Variants in TRIM34 observed in about 807,000 individuals in gnomAD.
TRIM34 encodes the protein E3 ubiquitin-protein ligase TRIM34.
In TRIM34, 41 loss-of-function variants were observed where a neutral mutation model predicts 38.1. That is an observed-to-expected ratio of 1.08 (90% CI 0.84 to 1.40). The LOEUF (loss-of-function observed/expected upper bound fraction) is 1.40. Among genes scored for constraint, TRIM34 ranks in the 40% most tolerant of loss-of-function variants. The probability of loss-of-function intolerance (pLI) is 0.00; values close to 1 mark genes in which losing one functional copy is unlikely to be tolerated. For missense variants in TRIM34, 556 were observed against 571.4 expected, an observed-to-expected ratio of 0.97 and a Z score of 0.27; for synonymous variants, 200 against 202.5, an observed-to-expected ratio of 0.99 and a Z score of 0.10.
At chr11:5,636,052 T>G (rs1438025435) in intron 4 of TRIM34, among the ~76,000 whole-genome samples, 1 of 152,216 alleles carries the variant, frequency 6.6e-6, no homozygotes, top group Non-Finnish European at 1.5e-5. Context: ...CTAGAAGAAC[T>G]GAATACATAT....
intron 1 of TRIM34, among the ~76,000 whole-genome samples, chr11:5,629,695 G>A (rs1221378262): frequency 5.3e-5 from 8 of 152,226 alleles, no homozygotes; most frequent in Middle Eastern, 3.4e-3. Flanking sequence ...TGAGCTCTCC[G>A]TGAGGATTCT....
At chr11:5,620,167 C>CTTTTTTTTTTTTTTTTTTTTTTTTT (rs60013395), upstream of TRIM34, 13 of 72,772 alleles carry the variant, frequency 1.8e-4, 1 homozygote, top group Non-Finnish European at 2.3e-4. Context: ...TTTCTTTCTT[C>CTTTTTTTTTTTTTTTTTTTTTTTTT]TTTTTTTTTT....
At chr11:5,632,139 C>A in intron 1 of TRIM34, 116 bp from the exon 2 acceptor site, 1 of 1,441,106 alleles carries the variant, frequency 6.9e-7, no homozygotes, top group Non-Finnish European at 9.2e-7. Context: ...TTTGGTTTCT[C>A]TTCCTCATCT....
rs1484366380 is a variant in TRIM34, at chr11:5,634,751, G to T, written c.640G>T (p.Asp214Tyr). The change falls in exon 4 of 8, where the codon GAT (aspartate) becomes TAT (tyrosine). Residue 214 changes from aspartate (D) to tyrosine (Y), a missense_variant. Physicochemically the swap from Asp to Tyr is radical, Grantham distance 160 (BLOSUM62 -3). Coordinates refer to ENST00000429814, the MANE Select transcript of TRIM34 (RefSeq NM_021616.6). ...GGAAGAAGAAGAAAAGAAGACGCTG[G>T]ATAAGTTTGCAGAGGCTGAGGATGA... is the stretch of plus-strand genomic sequence containing the variant. ...RLEEEEKKTL[D>Y]KFAEAEDELV... The T allele has an allele frequency of 6.2e-7, 1 of 1,614,122 alleles. No homozygotes were observed. Among genetic ancestry groups the T allele is most frequent in the Non-Finnish European group, 8.5e-7 (1 of 1,179,998 alleles).
Position 5,628,199 on chromosome 11 carries a change from C to G in TRIM34, c.-78+3139C>G, listed in dbSNP as rs570641920. 1.2e-3 allele frequency among the ~76,000 whole-genome samples: 176 copies of G among 152,342 alleles called. 3 individuals carry two copies. In the South Asian group the frequency reaches 0.035, roughly 30 times the overall value. On this transcript the variant is annotated intron_variant, in intron 1 of 7. Coordinates refer to ENST00000429814, the MANE Select transcript of TRIM34 (RefSeq NM_021616.6). ...CATCAACATGCATCCTCACTGTGAACATGAAGTCACAGCCCGTGGCAGAAT... is the reference window on the plus strand; with the variant it reads ...CATCAACATGCATCCTCACTGTGAAGATGAAGTCACAGCCCGTGGCAGAAT...
chr11:5,621,121 C>T (rs1030347912), upstream of TRIM34, among the ~76,000 whole-genome samples: 3 of 152,198 alleles, frequency 2.0e-5, no homozygotes, highest in Admixed American at 2.0e-4. Flanking sequence ...TCACTTCTAT[C>T]CATTTTCCTT....
At chr11:5,636,901 C>G (rs910114899) in intron 4 of TRIM34, among the ~76,000 whole-genome samples, 2 of 152,306 alleles carry the variant, frequency 1.3e-5, no homozygotes, top group Admixed American at 6.5e-5. Flanking sequence ...AATCCCAGCA[C>G]TTTGGGAGGC....
Position 5,634,528 on chromosome 11 carries a change from C to CATATATATATATATATATAT in TRIM34, c.520-102_520-101insTATATATATATATATATATA, listed in dbSNP as rs1206053252. 1.9e-5 allele frequency: 10 copies of CATATATATATATATATATAT among 530,382 alleles called. No individual in the cohort carries two copies. In the African/African-American group the frequency reaches 2.4e-4, roughly 13 times the overall value. 32.9% of individuals were successfully genotyped at this position (530,382 alleles called of 1,614,324 possible). A position where few individuals can be genotyped will look rare whatever the true frequency, so the allele number is the denominator to read the frequency against. On this transcript the variant is annotated intron_variant, in intron 3 of 7. Coordinates refer to ENST00000429814, the MANE Select transcript of TRIM34 (RefSeq NM_021616.6). Reference sequence around the variant, plus strand: ...ACACACACACACACACACACACACACACATATATATATATATATATTTCCC... The same window carrying CATATATATATATATATATAT: ...ACACACACACACACACACACACACACATATATATATATATATATATACATATATATATATATATATTTCCC...
Position 5,632,475 on chromosome 11 carries a change from C to T in TRIM34, c.144C>T (p.Thr48=), listed in dbSNP as rs953609081. The change falls in exon 2 of 8, where the codon ACC becomes ACT. Residue 48 remains threonine (T), a synonymous_variant. Coordinates refer to ENST00000429814, the MANE Select transcript of TRIM34 (RefSeq NM_021616.6). Reference sequence around the variant, plus strand: ...CTGTGAGCAACAAGGAGGCAGTGACCAGCATGGGAGGAAAAAGCAGCTGTC... The same window carrying T: ...CTGTGAGCAACAAGGAGGCAGTGACTAGCATGGGAGGAAAAAGCAGCTGTC... The part of the protein sequence containing the change: ...CITVSNKEAV[T]SMGGKSSCPV... 6.2e-7 allele frequency: 1 copy of T among 1,613,998 alleles called. No homozygotes were observed. Among genetic ancestry groups the T allele is most frequent in the African/African-American group, 1.3e-5 (1 of 74,984 alleles).
At position 5,634,027 on chromosome 11, in the gene TRIM34, G is replaced by A. The variant is rs570804493; in HGVS notation, c.519+128G>A. On this transcript the variant is annotated intron_variant, in intron 3 of 7. Transcript: ENST00000429814. ...AGCCATTTGATTAGTTCTCTTCTCTGTCCTGTCCCTGTTGGGGGTGGAGGC... is the reference window on the plus strand; with the variant it reads ...AGCCATTTGATTAGTTCTCTTCTCTATCCTGTCCCTGTTGGGGGTGGAGGC... 9 of 987,576 alleles carry A rather than the reference G, an allele frequency of 9.1e-6. No individual in the cohort carries two copies. In the South Asian group the frequency reaches 1.4e-4, roughly 15 times the overall value. The allele number at this position is 987,576 out of a possible 1,614,324, so 61.2% of individuals were successfully genotyped here.
At chr11:5,635,582 G>A (rs1279226690) in intron 4 of TRIM34, among the ~76,000 whole-genome samples, 1 of 152,114 alleles carries the variant, frequency 6.6e-6, no homozygotes, top group African/African-American at 2.4e-5. Flanking sequence ...TAAACATAAA[G>A]TGATAGAATA....
At chr11:5,640,627 T>C (rs1229224229) in intron 4 of TRIM34, among the ~76,000 whole-genome samples, 1 of 152,180 alleles carries the variant, frequency 6.6e-6, no homozygotes, top group African/African-American at 2.4e-5. Flanking sequence ...GGTTCTTTTA[T>C]CAGGGTCCTT....
In TRIM34 at chr11:5,643,125, AT is replaced by A. The variant is rs745849246; in HGVS notation, c.902-8del. 4,719 of 972,972 alleles carry A rather than the reference AT, an allele frequency of 4.9e-3. 247 individuals are homozygous for A. The highest frequency in any genetic ancestry group is 0.035 in the African/African-American group (1,632 of 46,468). 60.3% of individuals were successfully genotyped at this position (972,972 alleles called of 1,614,324 possible). A position where few individuals can be genotyped will look rare whatever the true frequency, so the allele number is the denominator to read the frequency against. ...ATTATATTCATATACATATATATATATTTTTTTTTTTCTTGCAGTGGATGTC... is the reference window on the plus strand; with the variant it reads ...ATTATATTCATATACATATATATATATTTTTTTTTTCTTGCAGTGGATGTC... On this transcript the variant is annotated intron_variant, in intron 7 of 7. Transcript: ENST00000429814.
rs554751593 is a variant in TRIM34, at chr11:5,644,349, G to A, written c.*640G>A. 272 of 398,066 alleles carry A rather than the reference G, an allele frequency of 6.8e-4. 2 individuals are homozygous for A. The highest frequency in any genetic ancestry group is 5.2e-3 in the African/African-American group (253 of 48,720). The allele number at this position is 398,066 out of a possible 1,614,324, so 24.7% of individuals were successfully genotyped here. ...TAAGTGTCTCTAAATGTAATGCATC[G>A]ATTTAGTGTCTGGAACATAATAAAT... is the stretch of plus-strand genomic sequence containing the variant. On this transcript the variant is annotated 3_prime_UTR_variant, in exon 8 of 8. Coordinates refer to ENST00000429814, the MANE Select transcript of TRIM34 (RefSeq NM_021616.6).
rs757717918 is a variant in TRIM34, at chr11:5,643,333, G to C, written c.1091G>C (p.Gly364Ala). The change falls in exon 8 of 8, where the codon GGG becomes GCG. Residue 364 changes from glycine (G) to alanine (A), a missense_variant. Coordinates refer to ENST00000429814, the MANE Select transcript of TRIM34 (RefSeq NM_021616.6). ...TCCAAGAAAACTGCCTGGATCCTGG[G>C]GGTATACTGTAGAACATATTCCCGC... ...DVSKKTAWIL[G>A]VYCRTYSRHM... 6.2e-7 allele frequency: 1 copy of C among 1,613,858 alleles called. No individual in the cohort carries two copies. Among genetic ancestry groups the C allele is most frequent in the Non-Finnish European group, 8.5e-7 (1 of 1,179,954 alleles).
chr11:5,632,056 T>C (rs565561815), intron 1 of TRIM34, among the ~76,000 whole-genome samples, 199 bp from the exon 2 acceptor site: 3 of 152,298 alleles, frequency 2.0e-5, no homozygotes, highest in Admixed American at 6.5e-5. Context: ...AGGATGGTAA[T>C]TCTAGGCTGA....
rs1174350595 is a variant in TRIM34 at position 5,642,506 on chromosome 11, G to A, written c.874G>A (p.Glu292Lys). The A allele has an allele frequency of 1.2e-6, 2 of 1,613,746 alleles. No homozygotes were observed. Among genetic ancestry groups the A allele is most frequent in the East Asian group, 2.2e-5 (1 of 44,878 alleles). Residue 292 changes from glutamate to lysine, a missense_variant and splice_region_variant, in exon 6 of 8, where the codon GAA becomes AAA. By Grantham distance (56) the Glu-to-Lys change is moderately conservative. Transcript: ENST00000429814. The stretch of plus-strand genomic sequence containing the variant: ...GAGTAGGATGCTGCAAATGTTTAGA[G>A]GTGAGGAGAAGCAGACAAAGACTGT... ...DLSRMLQMFR[E>K]LTAVRCYWVD... is the part of the protein sequence containing the mutation.
At chr11:5,633,133 C>T (rs1458140573) in intron 2 of TRIM34, among the ~76,000 whole-genome samples, 4 of 140,508 alleles carry the variant, frequency 2.8e-5, no homozygotes, top group Non-Finnish European at 4.6e-5. Context: ...CCACCATGCC[C>T]GGCCTTTTCT....
In TRIM34 at chr11:5,641,168, A is replaced by G. The variant is rs750034444; in HGVS notation, c.752A>G (p.Asp251Gly). Residue 251 changes from aspartate (D) to glycine (G), a missense_variant and splice_region_variant, in exon 5 of 8, where the codon GAC (aspartate) becomes GGC (glycine). Coordinates refer to ENST00000429814, the MANE Select transcript of TRIM34 (RefSeq NM_021616.6). Reference protein sequence around the residue: ...SQWSTMELLQDMSGIMKWSEI... With the variant: ...SQWSTMELLQGMSGIMKWSEI... ...TCATGTTTTCTCTTTTCTTTCTAGG[A>G]CATGAGTGGAATCATGAAATGGTGC... 1.2e-6 allele frequency: 2 copies of G among 1,613,212 alleles called. No homozygotes were observed. The highest frequency in any genetic ancestry group is 3.3e-5 in the Admixed American group (2 of 59,924).
Sources: allele counts gnomAD v4.1 joint callset (sites outside exome capture counted in the v4.1 genomes callset), GRCh38; gene constraint gnomAD v4.1.1; transcripts MANE v1.5; gene names NCBI Gene and HGNC (gene_info 2026-07-23, HGNC 2026-07-21).